DPP10: variants seen among roughly 807,000 people sequenced by gnomAD.
DPP10 encodes inactive dipeptidyl peptidase 10.
DPP10 carries 33 observed loss-of-function variants against 120.9 expected under a neutral mutation model. The ratio of observed to expected loss-of-function variants is 0.27; its 90% CI spans 0.21 to 0.37. The LOEUF is 0.37. Among genes scored for constraint, DPP10 ranks in the 10% least tolerant of loss-of-function variants. The pLI is 1.00. For synonymous variants in DPP10, 337 were observed against 326.1 expected (o/e 1.03, Z -0.36); for missense variants, 816 against 942.8 (o/e 0.87, Z 1.76).
intron 19 of DPP10, among the ~76,000 whole-genome samples, chr2:115,805,927 G>A (rs1685907880): frequency 6.6e-6 from 1 of 152,084 alleles, no homozygotes; most frequent in African/African-American, 2.4e-5. Flanking sequence ...GATTACAACA[G>A]GGCAGATATT....
At chr2:114,582,122 C>G (rs975092665) in intron 1 of DPP10, among the ~76,000 whole-genome samples, 1 of 152,186 alleles carries the variant, frequency 6.6e-6, no homozygotes, top group Non-Finnish European at 1.5e-5. Flanking sequence ...ATTTATCCCT[C>G]CTTACCCTCA....
At chr2:114,794,670 A>G (rs552451565) in intron 1 of DPP10, among the ~76,000 whole-genome samples, 297 of 152,338 alleles carry the variant, frequency 1.9e-3, no homozygotes, top group African/African-American at 6.9e-3. Flanking sequence ...AGCAAAAATT[A>G]TGATTTCAAG....
Position 115,485,257 on chromosome 2 carries a change from C to CAA in DPP10, c.272-14251_272-14250dup. On this transcript the variant is annotated intron_variant, in intron 3 of 25. Coordinates refer to ENST00000410059, the MANE Select transcript of DPP10 (RefSeq NM_020868.6). ...CTGTTCCAAAAAAAAAAAAAAAAAA[C>CAA]AAACAAAAACCTTAAAGCCTACATA... 3.0e-5 allele frequency among the ~76,000 whole-genome samples: 3 copies of CAA among 100,964 alleles called. 1 individual carries two copies. The highest frequency in any genetic ancestry group is 2.9e-4 in the Admixed American group (3 of 10,302). The allele number at this position is 100,964 out of a possible 152,430, so 66.2% of individuals were successfully genotyped here. A position where few individuals can be genotyped will look rare whatever the true frequency, so the allele number is the denominator to read the frequency against.
chr2:115,244,103 G>GA, intron 1 of DPP10, among the ~76,000 whole-genome samples: 1 of 150,818 alleles, frequency 6.6e-6, no homozygotes, highest in East Asian at 1.9e-4. Context: ...TAGGTAGATT[G>GA]AAAATTCATT....
At chr2:114,778,799 T>A (rs1000787106) in intron 1 of DPP10, among the ~76,000 whole-genome samples, 1 of 152,116 alleles carries the variant, frequency 6.6e-6, no homozygotes, top group East Asian at 1.9e-4. Flanking sequence ...TGATGGAAGA[T>A]AAAATGGATT....
intron 1 of DPP10, among the ~76,000 whole-genome samples, chr2:114,563,520 A>G (rs1236225078): frequency 1.3e-5 from 2 of 152,186 alleles, no homozygotes; most frequent in Non-Finnish European, 2.9e-5. Flanking sequence ...AATTTAAGTG[A>G]TACATCTACC....
Position 115,036,775 on chromosome 2 carries a change from AC to A in DPP10, c.61-272463del, listed in dbSNP as rs1203908388. On this transcript the variant is annotated intron_variant, in intron 1 of 25. Transcript: ENST00000410059. The stretch of plus-strand genomic sequence containing the variant: ...GTGGATATTCCAATTAAATATTAGA[AC>A]AAAAAGTTGTTTACTTTTAAGTTTC... 5.9e-5 allele frequency among the ~76,000 whole-genome samples: 9 copies of A among 152,318 alleles called. No individual in the cohort carries two copies. The East Asian group carries it at 1.7e-3, about 29-fold the overall frequency.
intron 1 of DPP10, among the ~76,000 whole-genome samples, chr2:114,605,943 G>C (rs940233420): frequency 1.3e-5 from 2 of 152,096 alleles, no homozygotes; most frequent in Non-Finnish European, 2.9e-5. Context: ...AAGATGTCCA[G>C]TAAGTGGGTA....
rs139118984 is a variant in DPP10 at position 115,615,308 on chromosome 2, A to G, written c.442-74379A>G. Reference sequence around the variant, plus strand: ...GGGAAAGGAAATCAATTTTACACATATACATACACATATTTTTAAATTTCA... The same window carrying G: ...GGGAAAGGAAATCAATTTTACACATGTACATACACATATTTTTAAATTTCA... On this transcript the variant is annotated intron_variant, in intron 5 of 25. Coordinates refer to ENST00000410059, the MANE Select transcript of DPP10 (RefSeq NM_020868.6). Among the ~76,000 whole-genome samples the G allele has an allele frequency of 4.2e-4, 64 of 152,306 alleles. 1 individual carries two copies. Among genetic ancestry groups the G allele is most frequent in the Admixed American group, 3.6e-3 (55 of 15,294 alleles).
At chr2:115,834,912 C>T (rs971910281) in intron 21 of DPP10, among the ~76,000 whole-genome samples, 1 of 152,032 alleles carries the variant, frequency 6.6e-6, no homozygotes, top group African/African-American at 2.4e-5. Flanking sequence ...CGGTGAAACC[C>T]GTCTCTACTA....
At chr2:115,016,494 A>G (rs1385778885) in intron 1 of DPP10, among the ~76,000 whole-genome samples, 3 of 152,196 alleles carry the variant, frequency 2.0e-5, no homozygotes, top group Non-Finnish European at 4.4e-5. Flanking sequence ...AAAAGCCAAA[A>G]TTGACAAATG....
In DPP10 at chr2:115,641,505, C is replaced by G. The variant is rs146033198; in HGVS notation, c.442-48182C>G. On this transcript the variant is annotated intron_variant, in intron 5 of 25. Transcript: ENST00000410059. ...TTCAGAGAGACCTCTTTAAACCAGC[C>G]TACATAAATGAACCCCACTCTCTCC... Among the ~76,000 whole-genome samples, 47 of 152,006 alleles carry G rather than the reference C, an allele frequency of 3.1e-4. No individual in the cohort carries two copies. In the East Asian group the frequency reaches 8.5e-3, roughly 28 times the overall value.
At chr2:115,631,912 A>G (rs1434503854) in intron 5 of DPP10, among the ~76,000 whole-genome samples, 1 of 152,172 alleles carries the variant, frequency 6.6e-6, no homozygotes, top group African/African-American at 2.4e-5. Flanking sequence ...AGAGTTCTGT[A>G]GGTATCTATC....
At chr2:115,547,996 A>AT (rs1255928112) in intron 5 of DPP10, among the ~76,000 whole-genome samples, 1 of 152,140 alleles carries the variant, frequency 6.6e-6, no homozygotes, top group African/African-American at 2.4e-5. Flanking sequence ...TAAGTATGTG[A>AT]TTTTAACTTT....
chr2:114,697,046 T>C (rs1330246003), intron 1 of DPP10, among the ~76,000 whole-genome samples: 1 of 152,060 alleles, frequency 6.6e-6, no homozygotes, highest in Non-Finnish European at 1.5e-5. Flanking sequence ...CTATTGACAA[T>C]GCAAAAGGTA....
At position 114,593,858 on chromosome 2, in the gene DPP10, A is replaced by C. The variant is rs143680851; in HGVS notation, c.60+151020A>C. Among the ~76,000 whole-genome samples the C allele has an allele frequency of 3.7e-3, 557 of 152,206 alleles. 2 individuals carry two copies. The highest frequency in any genetic ancestry group is 0.013 in the African/African-American group (525 of 41,526). ...CTTTATAGCATGCCCACTTGCAACAAGAATCAGCCTAGGACACCCAAAGTG... is the reference window on the plus strand; with the variant it reads ...CTTTATAGCATGCCCACTTGCAACACGAATCAGCCTAGGACACCCAAAGTG... On this transcript the variant is annotated intron_variant, in intron 1 of 25. Coordinates refer to ENST00000410059, the MANE Select transcript of DPP10 (RefSeq NM_020868.6).
intron 13 of DPP10, among the ~76,000 whole-genome samples, chr2:115,771,365 C>A (rs1288907022): frequency 6.6e-6 from 1 of 152,104 alleles, no homozygotes; most frequent in South Asian, 2.1e-4. Flanking sequence ...TAAGCCACCA[C>A]GCCCGGCCTG....
chr2:115,108,033 C>T (rs1302837466), intron 1 of DPP10, among the ~76,000 whole-genome samples: 1 of 151,942 alleles, frequency 6.6e-6, no homozygotes, highest in Non-Finnish European at 1.5e-5. Flanking sequence ...ATTTGATCAC[C>T]CAGAATACCA....
At chr2:114,568,427 G>A (rs1689378303) in intron 1 of DPP10, among the ~76,000 whole-genome samples, 1 of 152,134 alleles carries the variant, frequency 6.6e-6, no homozygotes, top group African/African-American at 2.4e-5. Context: ...GGCTTTTTGT[G>A]ATGCTTGAAC....
Sources: gnomAD v4.1 joint callset for allele counts (sites outside exome capture counted in the v4.1 genomes callset) on GRCh38, gnomAD v4.1.1 for gene constraint, MANE v1.5 for transcripts, NCBI Gene and HGNC (gene_info 2026-07-23, HGNC 2026-07-21) for gene names.